Variants in ENPP6 observed in about 807,000 individuals in gnomAD.
ENPP6 encodes the protein glycerophosphocholine cholinephosphodiesterase ENPP6.
Under a neutral mutation model 42.0 loss-of-function variants are expected in ENPP6, and 32 were observed. The observed-to-expected ratio is 0.76, with a 90% CI of 0.58 to 1.02. The LOEUF (loss-of-function observed/expected upper bound fraction) is 1.02. Among genes scored for constraint, ENPP6 ranks in the 50% least tolerant of loss-of-function variants. ENPP6 has a pLI of 0.00. For synonymous variants in ENPP6, 213 were observed against 216.0 expected (o/e 0.99, Z 0.12); for missense variants, 552 against 566.8 (o/e 0.97, Z 0.27).
chr4:184,203,379 C>T (rs1333930770), intron 1 of ENPP6, among the ~76,000 whole-genome samples: 3 of 152,178 alleles, frequency 2.0e-5, no homozygotes, highest in African/African-American at 4.8e-5. Flanking sequence ...CTGGACCATG[C>T]GTAATGGGTT....
chr4:184,208,804 A>C (rs1271082683), intron 1 of ENPP6, among the ~76,000 whole-genome samples: 4 of 142,940 alleles, frequency 2.8e-5, no homozygotes, highest in Non-Finnish European at 6.3e-5. Context: ...GACAAACAAA[A>C]AGACAGCAGT....
chr4:184,148,381 G>T (rs139212753), intron 2 of ENPP6, among the ~76,000 whole-genome samples: 1 of 152,246 alleles, frequency 6.6e-6, no homozygotes, highest in African/African-American at 2.4e-5. Context: ...CACTCTTTTG[G>T]CCAAGATACC....
chr4:184,157,329 C>T (rs559290593), intron 1 of ENPP6, among the ~76,000 whole-genome samples: 22 of 152,342 alleles, frequency 1.4e-4, no homozygotes, highest in South Asian at 6.2e-4. Flanking sequence ...AGCATCCTTC[C>T]GTCTATCACA....
At chr4:184,146,294 G>A (rs1306249913) in intron 2 of ENPP6, among the ~76,000 whole-genome samples, 1 of 151,962 alleles carries the variant, frequency 6.6e-6, no homozygotes, top group Non-Finnish European at 1.5e-5. Context: ...AGCTGGGCAT[G>A]GTGGTGGGTG....
intron 2 of ENPP6, among the ~76,000 whole-genome samples, chr4:184,150,325 T>C (rs1354987868): frequency 6.6e-6 from 1 of 152,030 alleles, no homozygotes; most frequent in Non-Finnish European, 1.5e-5. Flanking sequence ...AAATTGCACT[T>C]CTAAATATTG....
chr4:184,157,395 A>T (rs1737176915), intron 1 of ENPP6, among the ~76,000 whole-genome samples: 1 of 132,146 alleles, frequency 7.6e-6, no homozygotes, highest in Non-Finnish European at 1.6e-5. Flanking sequence ...ATCATAAATA[A>T]ATTCGTTCTT....
At chr4:184,208,989 A>T (rs1470883675) in intron 1 of ENPP6, among the ~76,000 whole-genome samples, 4 of 142,634 alleles carry the variant, frequency 2.8e-5, no homozygotes, top group Non-Finnish European at 6.2e-5. Context: ...GACACCTCAC[A>T]CGGCAGGGTA....
At chr4:184,091,504 A>T (rs1735800273) in intron 7 of ENPP6, 122 bp from the exon 8 acceptor site, 1 of 887,610 alleles carries the variant, frequency 1.1e-6, no homozygotes, top group Non-Finnish European at 1.7e-6. Context: ...AATCAGCTCC[A>T]TCAGTGGGGT....
rs558789126 is a variant in ENPP6 at position 184,097,805 on chromosome 4, C to T, written c.994-437G>A. 5.9e-5 allele frequency among the ~76,000 whole-genome samples: 9 copies of T among 152,266 alleles called. No individual in the cohort carries two copies. The South Asian group carries it at 1.9e-3, about 32-fold the overall frequency. ...TTCATTCATAAGGAGCTACTTTCTC[C>T]CACACCTGAGTTAATGCTACTGAGA... On this transcript the variant is annotated intron_variant, in intron 6 of 7. Coordinates refer to ENST00000296741, the MANE Select transcript of ENPP6 (RefSeq NM_153343.4).
intron 1 of ENPP6, among the ~76,000 whole-genome samples, chr4:184,163,832 G>A (rs969854534): frequency 2.0e-5 from 3 of 152,224 alleles, no homozygotes; most frequent in African/African-American, 4.8e-5. Flanking sequence ...GGAGACATGG[G>A]GTTACATTTG....
intron 1 of ENPP6, among the ~76,000 whole-genome samples, chr4:184,175,907 G>A (rs1737553916): frequency 6.6e-6 from 1 of 152,082 alleles, no homozygotes; most frequent in African/African-American, 2.4e-5. Context: ...GGAGAAGGAG[G>A]TTGGAGGAGA....
intron 1 of ENPP6, among the ~76,000 whole-genome samples, chr4:184,156,031 GGAGACAGAGA>G (rs960894094): frequency 1.3e-5 from 2 of 152,120 alleles, no homozygotes; most frequent in African/African-American, 2.4e-5. Flanking sequence ...AAACACAGAG[GGAGACAGAGA>G]GAGACAGAGA....
rs4241784 is a variant in ENPP6, at chr4:184,111,832, T to A, written c.993+840A>T. ...TCACTTGCCCAGTCAGCCTTCCTGC[T>A]GATCATCGCCTGTCCTCATGCCCCG... On this transcript the variant is annotated intron_variant, in intron 6 of 7. Coordinates refer to ENST00000296741, the MANE Select transcript of ENPP6 (RefSeq NM_153343.4). Among the ~76,000 whole-genome samples the A allele has an allele frequency of 5.3e-5, 8 of 152,118 alleles. No individual in the cohort carries two copies. The East Asian group carries it at 9.7e-4, about 18-fold the overall frequency.
At chr4:184,213,503 T>C (rs1254564894) in intron 1 of ENPP6, among the ~76,000 whole-genome samples, 1 of 152,032 alleles carries the variant, frequency 6.6e-6, no homozygotes. Flanking sequence ...TCATCATCAC[T>C]GGCCATCAGA....
intron 1 of ENPP6, among the ~76,000 whole-genome samples, chr4:184,209,831 A>G (rs557586436): frequency 0.032 from 4,566 of 144,324 alleles, 278 homozygotes; most frequent in African/African-American, 0.12. Flanking sequence ...AAGGGCAGCC[A>G]GAGAGAAAGG....
At chr4:184,134,709 G>T (rs1475548666) in intron 2 of ENPP6, among the ~76,000 whole-genome samples, 1 of 150,794 alleles carries the variant, frequency 6.6e-6, no homozygotes, top group Admixed American at 6.6e-5. Context: ...TTTCTTTGTT[G>T]TATGTTTATT....
At chr4:184,202,277 T>C (rs1390330540) in intron 1 of ENPP6, among the ~76,000 whole-genome samples, 2 of 152,232 alleles carry the variant, frequency 1.3e-5, no homozygotes, top group Non-Finnish European at 2.9e-5. Context: ...TCAGAAGATC[T>C]TGCAGCTGTG....
chr4:184,090,917 T>A lies in ENPP6; in HGVS notation c.*260A>T. 1 of 452,256 alleles carries A rather than the reference T, an allele frequency of 2.2e-6. No homozygotes were observed. The highest frequency in any genetic ancestry group is 3.8e-6 in the Non-Finnish European group (1 of 260,020). The allele number at this position is 452,256 out of a possible 1,614,324, so 28.0% of individuals were successfully genotyped here. A position where few individuals can be genotyped will look rare whatever the true frequency, so the allele number is the denominator to read the frequency against. On this transcript the variant is annotated 3_prime_UTR_variant, in exon 8 of 8. Coordinates refer to ENST00000296741, the MANE Select transcript of ENPP6 (RefSeq NM_153343.4). ...CTCAGAGAGTTCATCCTGAGTAACG[T>A]GAAAAGAAAGGAGAAAATGACATAT...
intron 1 of ENPP6, among the ~76,000 whole-genome samples, chr4:184,166,414 T>A (rs979498824): frequency 1.3e-5 from 2 of 152,202 alleles, no homozygotes; most frequent in Non-Finnish European, 2.9e-5. Flanking sequence ...GCTTTATGTT[T>A]CTGCAGCGCC....
Sources: gnomAD v4.1 joint callset for allele counts (sites outside exome capture counted in the v4.1 genomes callset) on GRCh38, gnomAD v4.1.1 for gene constraint, MANE v1.5 for transcripts, NCBI Gene and HGNC (gene_info 2026-07-23, HGNC 2026-07-21) for gene names.